UGT1A5: variants seen among roughly 807,000 people sequenced by gnomAD.
UGT1A5 encodes UDP glucuronosyltransferase family 1 member A5.
A neutral mutation model predicts 40.3 loss-of-function variants in UGT1A5; 29 were observed. That is an observed-to-expected ratio of 0.72 (90% CI 0.54 to 0.98). The LOEUF (loss-of-function observed/expected upper bound fraction) is 0.98, where lower values mean the gene tolerates loss of function less well. UGT1A5 is among the 50% of genes least tolerant of loss of function. The pLI is 0.00. For missense variants in UGT1A5, 678 were observed against 677.9 expected (o/e 1.00, Z 0.00); for synonymous variants, 257 against 262.5 (o/e 0.98, Z 0.20).
At position 233,719,508 on chromosome 2, in the gene UGT1A5, C is replaced by T. The variant is rs760142681; in HGVS notation, c.867+5650C>T. The stretch of plus-strand genomic sequence containing the variant: ...CTACATTTGCCATACTTTTTCTGCC[C>T]CTTATGCAAGTCTTGCCTCTGAGCT... On this transcript the variant is annotated intron_variant, in intron 1 of 4. Coordinates refer to ENST00000373414, the MANE Select transcript of UGT1A5 (RefSeq NM_019078.2). 7 of 1,613,820 alleles carry T rather than the reference C, an allele frequency of 4.3e-6. No homozygotes were observed. In the South Asian group the frequency reaches 5.5e-5, roughly 13 times the overall value.
chr2:233,729,990 T>G, intron 1 of UGT1A5: 1 of 1,614,036 alleles, frequency 6.2e-7, no homozygotes, highest in East Asian at 2.2e-5. Flanking sequence ...AGCCACTATC[T>G]CAGGTCTGTA....
intron 1 of UGT1A5, among the ~76,000 whole-genome samples, chr2:233,741,359 CA>C (rs1323316954): frequency 6.6e-6 from 1 of 151,778 alleles, no homozygotes; most frequent in Non-Finnish European, 1.5e-5. Flanking sequence ...CACAAAACCA[CA>C]ATGAAACTGC....
intron 1 of UGT1A5, chr2:233,729,898 C>T (rs756538337): frequency 1.5e-5 from 24 of 1,613,872 alleles, no homozygotes; most frequent in East Asian, 4.5e-5. Context: ...GTGGCTGTTC[C>T]GAGGGGACTT....
At chr2:233,755,091 T>C (rs747522597) in intron 1 of UGT1A5, 2 of 1,335,830 alleles carry the variant, frequency 1.5e-6, no homozygotes, top group East Asian at 4.6e-5. Flanking sequence ...ATCGCGTTTC[T>C]ACGCGTCCGA....
intron 1 of UGT1A5, chr2:233,718,695 C>T (rs2076675906): frequency 6.3e-7 from 1 of 1,592,520 alleles, no homozygotes; most frequent in South Asian, 1.1e-5. Flanking sequence ...TGGAGGAGGG[C>T]ACTTTGTCTT....
At chr2:233,748,608 C>T (rs1265158966) in intron 1 of UGT1A5, among the ~76,000 whole-genome samples, 3 of 151,644 alleles carry the variant, frequency 2.0e-5, no homozygotes, top group African/African-American at 4.9e-5. Flanking sequence ...AGTAGAGCAA[C>T]GAACGTGGGA....
intron 1 of UGT1A5, among the ~76,000 whole-genome samples, chr2:233,735,726 A>G (rs1434369558): frequency 5.9e-5 from 9 of 152,086 alleles, no homozygotes; most frequent in Admixed American, 5.9e-4. Flanking sequence ...ATCTCTCAGC[A>G]TTTGCTTGTC....
At chr2:233,714,277 A>C (rs892739336) in intron 1 of UGT1A5, among the ~76,000 whole-genome samples, 6 of 152,178 alleles carry the variant, frequency 3.9e-5, no homozygotes, top group African/African-American at 1.4e-4. Context: ...TTGACGTGAC[A>C]ATTTTTAGTG....
At position 233,713,135 on chromosome 2, in the gene UGT1A5, G is replaced by T. The variant is rs772419709; in HGVS notation, c.144G>T (p.Leu48Phe). ...GSHWLSMREA[L>F]RDLHARGHQV... Reference sequence around the variant, plus strand: ...ACTGGCTCAGCATGCGGGAGGCCTTGCGGGACCTCCATGCGAGAGGCCACC... The same window carrying T: ...ACTGGCTCAGCATGCGGGAGGCCTTTCGGGACCTCCATGCGAGAGGCCACC... Residue 48 changes from leucine to phenylalanine, a missense_variant, in exon 1 of 5, where the codon TTG becomes TTT. Physicochemically the swap from Leu to Phe is conservative, Grantham distance 22. Transcript: ENST00000373414. 3 of 1,614,216 alleles carry T rather than the reference G, an allele frequency of 1.9e-6. No homozygotes were observed. In the South Asian group the frequency reaches 3.3e-5, roughly 18 times the overall value.
chr2:233,731,432 C>T (rs2078159298), intron 1 of UGT1A5, among the ~76,000 whole-genome samples: 1 of 152,116 alleles, frequency 6.6e-6, no homozygotes, highest in Non-Finnish European at 1.5e-5. Flanking sequence ...CCATCCCTCC[C>T]CCAGTCCCCC....
chr2:233,734,666 C>T (rs1294652179), intron 1 of UGT1A5, among the ~76,000 whole-genome samples: 1 of 152,056 alleles, frequency 6.6e-6, no homozygotes, highest in Non-Finnish European at 1.5e-5. Context: ...TATAAATTTC[C>T]CTCTACACAC....
In UGT1A5 at chr2:233,725,264, G is replaced by GGCAGAGGCAGAGGCAGAGGCA. The variant is rs1216362118; in HGVS notation, c.867+11407_867+11408insCAGAGGCAGAGGCAGAGGCAG. On this transcript the variant is annotated intron_variant, in intron 1 of 4. Coordinates refer to ENST00000373414, the MANE Select transcript of UGT1A5 (RefSeq NM_019078.2). Reference sequence around the variant, plus strand: ...CAGAGGCAGAGGAGGCAGAGGCAGAGGAGGCAGAGGCAGAGGCAGAGGCAG... The same window carrying GGCAGAGGCAGAGGCAGAGGCA: ...CAGAGGCAGAGGAGGCAGAGGCAGAGGCAGAGGCAGAGGCAGAGGCAGAGGCAGAGGCAGAGGCAGAGGCAG... Among the ~76,000 whole-genome samples, 2 of 58,548 alleles carry GGCAGAGGCAGAGGCAGAGGCA rather than the reference G, an allele frequency of 3.4e-5. 1 individual carries two copies. Among genetic ancestry groups the GGCAGAGGCAGAGGCAGAGGCA allele is most frequent in the African/African-American group, 2.6e-4 (2 of 7,634 alleles). 38.4% of individuals were successfully genotyped at this position (58,548 alleles called of 152,430 possible). A position where few individuals can be genotyped will look rare whatever the true frequency, so the allele number is the denominator to read the frequency against.
At chr2:233,763,477 G>T (rs553290095) in intron 1 of UGT1A5, among the ~76,000 whole-genome samples, 67 of 152,208 alleles carry the variant, frequency 4.4e-4, no homozygotes, top group South Asian at 2.7e-3. Context: ...TAATAGATTT[G>T]ATTGTAACTC....
At chr2:233,764,368 C>T (rs546564495) in intron 1 of UGT1A5, among the ~76,000 whole-genome samples, 6 of 152,276 alleles carry the variant, frequency 3.9e-5, no homozygotes, top group Non-Finnish European at 8.8e-5. Context: ...TAGTAGCTGG[C>T]TCAGGTAGGA....
At chr2:233,760,618 A>C (rs558023429) in intron 1 of UGT1A5, 1 of 1,614,234 alleles carries the variant, frequency 6.2e-7, no homozygotes, top group Non-Finnish European at 8.5e-7. Context: ...GCGTGTGATC[A>C]AAACATACAA....
At chr2:233,740,865 T>C (rs1159264843) in intron 1 of UGT1A5, 1 of 151,874 alleles carries the variant, frequency 6.6e-6, no homozygotes, top group Admixed American at 6.5e-5. Flanking sequence ...AAAAATTCTT[T>C]AAATAAAATG....
intron 1 of UGT1A5, among the ~76,000 whole-genome samples, chr2:233,720,256 G>C (rs1200370479): frequency 6.6e-6 from 1 of 152,186 alleles, no homozygotes; most frequent in East Asian, 1.9e-4. Flanking sequence ...AGTTTCCAGA[G>C]AGGGATCTGT....
chr2:233,735,436 C>A (rs1234543811), intron 1 of UGT1A5, among the ~76,000 whole-genome samples: 1 of 152,154 alleles, frequency 6.6e-6, no homozygotes, highest in Admixed American at 6.5e-5. Context: ...CTGAATACAG[C>A]ATACCGATGG....
chr2:233,743,660 G>A (rs1409299533), intron 1 of UGT1A5: 4 of 1,367,142 alleles, frequency 2.9e-6, no homozygotes, highest in East Asian at 4.5e-5. Context: ...GTACTCGAAG[G>A]GGTCCTCGAA....
Sources: allele counts gnomAD v4.1 joint callset (sites outside exome capture counted in the v4.1 genomes callset), GRCh38; gene constraint gnomAD v4.1.1; transcripts MANE v1.5; gene names NCBI Gene and HGNC (gene_info 2026-07-23, HGNC 2026-07-21).